The following AFAP1L2 variants were observed in gnomAD, a reference collection of about 807,000 sequenced individuals.
AFAP1L2 encodes actin filament associated protein 1 like 2.
Under a neutral mutation model 99.3 loss-of-function variants are expected in AFAP1L2, and 46 were observed. That is an observed-to-expected ratio of 0.46 (90% CI 0.37 to 0.59). The LOEUF (loss-of-function observed/expected upper bound fraction) is 0.59, where lower values mean the gene tolerates loss of function less well. Among genes scored for constraint, AFAP1L2 ranks in the 20% least tolerant of loss-of-function variants. The probability of loss-of-function intolerance (pLI) is 0.00; values close to 1 mark genes in which losing one functional copy is unlikely to be tolerated. For missense variants in AFAP1L2, 959 were observed against 1,034.9 expected (o/e 0.93, Z 1.01); for synonymous variants, 397 against 419.1 (o/e 0.95, Z 0.64).
intron 2 of AFAP1L2, among the ~76,000 whole-genome samples, chr10:114,334,351 G>C (rs946178325): frequency 1.3e-5 from 2 of 152,164 alleles, no homozygotes; most frequent in African/African-American, 4.8e-5. Context: ...AAATCCTCTT[G>C]AATTTCTTCT....
chr10:114,319,828 C>T (rs2044840303), intron 5 of AFAP1L2, among the ~76,000 whole-genome samples: 1 of 152,164 alleles, frequency 6.6e-6, no homozygotes, highest in African/African-American at 2.4e-5. Flanking sequence ...ACTGCTAAGC[C>T]AAGGACATCA....
chr10:114,336,063 A>G (rs1233257683), intron 2 of AFAP1L2, among the ~76,000 whole-genome samples: 1 of 152,236 alleles, frequency 6.6e-6, no homozygotes, highest in Non-Finnish European at 1.5e-5. Flanking sequence ...TTTCTCTCTA[A>G]GATGATGATT....
At chr10:114,281,731 T>C in the AFAP1L2 span, 1 of 985,384 alleles carries the variant, frequency 1.0e-6, no homozygotes, top group Non-Finnish European at 1.2e-6. Context: ...GCGGGAGGCC[T>C]GGAGCCTTGC....
chr10:114,292,880 A>G (rs1031268787), downstream of AFAP1L2, among the ~76,000 whole-genome samples: 3 of 151,866 alleles, frequency 2.0e-5, no homozygotes, highest in African/African-American at 7.3e-5. Context: ...TAATTTTTGT[A>G]TTTTTAGTTA....
chr10:114,383,934 C>T (rs1017774678), intron 1 of AFAP1L2, among the ~76,000 whole-genome samples: 1 of 152,158 alleles, frequency 6.6e-6, no homozygotes, highest in African/African-American at 2.4e-5. Context: ...CTCAGTCTTC[C>T]CCTCCCACCT....
chr10:114,385,644 T>A (rs1397407553), intron 1 of AFAP1L2, among the ~76,000 whole-genome samples: 1 of 152,106 alleles, frequency 6.6e-6, no homozygotes, highest in Non-Finnish European at 1.5e-5. Context: ...GATGCCTGCC[T>A]CCCTGCCCCC....
At chr10:114,332,369 G>A (rs1264918425) in intron 3 of AFAP1L2, among the ~76,000 whole-genome samples, 3 of 152,248 alleles carry the variant, frequency 2.0e-5, no homozygotes, top group Non-Finnish European at 4.4e-5. Flanking sequence ...CACTGGGGAA[G>A]TGAGGCCACC....
intron 1 of AFAP1L2, among the ~76,000 whole-genome samples, chr10:114,382,152 T>C (rs1451391561): frequency 6.6e-6 from 1 of 152,248 alleles, no homozygotes; most frequent in African/African-American, 2.4e-5. Flanking sequence ...AATCCAGCAA[T>C]TCTATTCTGA....
Position 114,306,590 on chromosome 10 carries a change from C to T in AFAP1L2, c.1072+1215G>A, listed in dbSNP as rs147015962. ...GGGGATCATGCATATCGCCAAGCCA[C>T]ATTAACACAAAGTGGAAGAATTAGA... On this transcript the variant is annotated intron_variant, in intron 10 of 18. Coordinates refer to ENST00000304129, the MANE Select transcript of AFAP1L2 (RefSeq NM_001001936.3). Among the ~76,000 whole-genome samples, 217 of 152,168 alleles carry T rather than the reference C, an allele frequency of 1.4e-3. 1 individual carries two copies. The highest frequency in any genetic ancestry group is 4.8e-3 in the African/African-American group (200 of 41,488).
rs747277134 is a variant in AFAP1L2, at chr10:114,382,588, C to CTTCTTTTTT, written c.16+21851_16+21852insAAAAAAGAA. The stretch of plus-strand genomic sequence containing the variant: ...CAATGATATTATGTATATTTCTTCT[C>CTTCTTTTTT]TTTTTTTTTTTTTTTTTTTTTTGAG... On this transcript the variant is annotated intron_variant, in intron 1 of 18. Transcript: ENST00000304129. Among the ~76,000 whole-genome samples, 81 of 93,270 alleles carry CTTCTTTTTT rather than the reference C, an allele frequency of 8.7e-4. 6 individuals carry two copies. The highest frequency in any genetic ancestry group is 1.7e-3 in the African/African-American group (42 of 24,600). The allele number at this position is 93,270 out of a possible 152,430, so 61.2% of individuals were successfully genotyped here.
intron 5 of AFAP1L2, among the ~76,000 whole-genome samples, chr10:114,321,994 G>A (rs956936159): frequency 8.5e-5 from 13 of 152,210 alleles, no homozygotes; most frequent in African/African-American, 3.1e-4. Flanking sequence ...CTGGTGGGAG[G>A]TAATTGAATC....
chr10:114,373,557 G>C (rs2054405723), intron 1 of AFAP1L2, among the ~76,000 whole-genome samples: 1 of 152,048 alleles, frequency 6.6e-6, no homozygotes, highest in African/African-American at 2.4e-5. Context: ...CCCAGGAGGT[G>C]GAGGTTGCAG....
At chr10:114,315,422 T>C (rs545296631) in intron 6 of AFAP1L2, 138 bp downstream of exon 6, 3 of 802,310 alleles carry the variant, frequency 3.7e-6, no homozygotes, top group East Asian at 5.3e-5. Flanking sequence ...AATTTCAGAT[T>C]AGGGAGAAGT....
intron 2 of AFAP1L2, among the ~76,000 whole-genome samples, chr10:114,333,872 A>T (rs998040167): frequency 6.6e-6 from 1 of 152,182 alleles, no homozygotes; most frequent in African/African-American, 2.4e-5. Flanking sequence ...GTATTCCACC[A>T]AGTAGAGATG....
chr10:114,297,180 G>T (rs1471353337), intron 17 of AFAP1L2, 40 bp downstream of exon 17: 3 of 1,592,574 alleles, frequency 1.9e-6, no homozygotes, highest in South Asian at 1.1e-5. Context: ...TGTCCAGGGA[G>T]CCCTGCAAGC....
In AFAP1L2 at chr10:114,315,759, C is replaced by A; in HGVS notation, c.413G>T (p.Gly138Val). Residue 138 changes from glycine to valine, a missense_variant, in exon 6 of 19, where the codon GGA becomes GTA. Physicochemically the swap from Gly to Val is moderately radical, Grantham distance 109 (BLOSUM62 -3). This residue lies in a region of AFAP1L2 where 383 missense variants were observed against 472.8 expected (regional missense o/e 0.81). Transcript: ENST00000304129. ...CTCGTAGGAGCTGCTCACAGCCTCT[C>A]CGTCCTCTGCAAGGAAGACCAGCTC... ...EPYDTSLNEDGEAVSSSYESY... is the reference protein window; with the variant it reads ...EPYDTSLNEDVEAVSSSYESY... 2 of 1,611,212 alleles carry A rather than the reference C, an allele frequency of 1.2e-6. No homozygotes were observed. The highest frequency in any genetic ancestry group is 1.7e-6 in the Non-Finnish European group (2 of 1,179,118).
intron 1 of AFAP1L2, among the ~76,000 whole-genome samples, chr10:114,395,317 A>G (rs529951089): frequency 1.3e-5 from 2 of 152,330 alleles, no homozygotes; most frequent in East Asian, 3.9e-4. Context: ...GGATAGTAAC[A>G]GAATATTTGC....
At chr10:114,319,326 C>T (rs1020449745) in intron 5 of AFAP1L2, among the ~76,000 whole-genome samples, 9 of 146,910 alleles carry the variant, frequency 6.1e-5, no homozygotes, top group Non-Finnish European at 1.2e-4. Flanking sequence ...GGCAGAACAG[C>T]CATGCACACT....
intron 1 of AFAP1L2, among the ~76,000 whole-genome samples, chr10:114,393,890 A>G (rs916483426): frequency 6.6e-6 from 1 of 152,260 alleles, no homozygotes; most frequent in Non-Finnish European, 1.5e-5. Flanking sequence ...TTGAGCCTTC[A>G]TGCTTGGAAC....
Sources: gnomAD v4.1 joint callset for allele counts (sites outside exome capture counted in the v4.1 genomes callset) on GRCh38, gnomAD v4.1.1 for gene constraint, gnomAD v4.1.1 regional missense constraint, MANE v1.5 for transcripts, NCBI Gene and HGNC (gene_info 2026-07-23, HGNC 2026-07-21) for gene names.